FBXO28: variants seen among roughly 807,000 people sequenced by gnomAD.
The protein encoded by FBXO28 is F-box only protein 28.
Under a neutral mutation model 38.1 loss-of-function variants are expected in FBXO28, and 8 were observed. The observed-to-expected ratio is 0.21, with a 90% CI of 0.12 to 0.38. The LOEUF (loss-of-function observed/expected upper bound fraction) is 0.38. FBXO28 is among the 10% of genes least tolerant of loss of function. The pLI, the probability that FBXO28 is intolerant of heterozygous loss-of-function variation, is 1.00. For synonymous variants in FBXO28, 168 were observed against 173.8 expected (o/e 0.97, Z 0.26); for missense variants, 345 against 460.6 (o/e 0.75, Z 2.30).
In FBXO28 at chr1:224,161,728, A is replaced by G. The variant is rs1657911314; in HGVS notation, c.*3982A>G. On this transcript the variant is annotated 3_prime_UTR_variant, in exon 5 of 5. Coordinates refer to ENST00000366862, the MANE Select transcript of FBXO28 (RefSeq NM_015176.4). The stretch of plus-strand genomic sequence containing the variant: ...GCATCTTCCTAAGCATCTTGGTTAA[A>G]TTTCTGAAGTTTAAAAATTAGATCC... The G allele has an allele frequency of 6.6e-6, 1 of 152,226 alleles. No individual in the cohort carries two copies. Among genetic ancestry groups the G allele is most frequent in the Non-Finnish European group, 1.5e-5 (1 of 68,028 alleles). The allele number at this position is 152,226 out of a possible 1,614,324, so 9.4% of individuals were successfully genotyped here.
In FBXO28 at chr1:224,136,101, GT is replaced by G. The variant is rs397982996; in HGVS notation, c.516+1909del. On this transcript the variant is annotated intron_variant, in intron 3 of 4. Coordinates refer to ENST00000366862, the MANE Select transcript of FBXO28 (RefSeq NM_015176.4). ...TTTTGGAAACCATTTGTTGACTTCA[GT>G]TTTTTTTTTTTTTTTTTTTGAGATG... Among the ~76,000 whole-genome samples, 30 of 75,128 alleles carry G rather than the reference GT, an allele frequency of 4.0e-4. No individual in the cohort carries two copies. In the Admixed American group the frequency reaches 4.4e-3, roughly 11 times the overall value. 49.3% of individuals were successfully genotyped at this position (75,128 alleles called of 152,430 possible).
rs973258022 is a variant in FBXO28 at position 224,157,470 on chromosome 1, T to C, written c.831T>C (p.Val277=). Residue 277 remains valine (V), a synonymous_variant, in exon 5 of 5, where the codon GTT becomes GTC. Coordinates refer to ENST00000366862, the MANE Select transcript of FBXO28 (RefSeq NM_015176.4). ...QVKTNGAGVT[V]LRREISELRT... is the part of the protein sequence containing the mutation. Reference sequence around the variant, plus strand: ...AAACAAATGGTGCTGGCGTGACTGTTCTCAGGCGTGAAATTTCTGAGCTTC... The same window carrying C: ...AAACAAATGGTGCTGGCGTGACTGTCCTCAGGCGTGAAATTTCTGAGCTTC... The C allele has an allele frequency of 6.2e-7, 1 of 1,614,222 alleles. No homozygotes were observed. The highest frequency in any genetic ancestry group is 1.6e-4 in the Middle Eastern group (1 of 6,062).
intron 4 of FBXO28, 62 bp from the exon 5 acceptor site, chr1:224,157,290 G>GT: frequency 1.3e-6 from 2 of 1,510,842 alleles, no homozygotes; most frequent in Non-Finnish European, 1.8e-6. Context: ...TTAAATAAGT[G>GT]TAAGTATTAC....
rs1373094519 is a variant in FBXO28 at position 224,159,792 on chromosome 1, GTTTC to G, written c.*2050_*2053del. 6.6e-6 allele frequency: 1 copy of G among 151,944 alleles called. No individual in the cohort carries two copies. Among genetic ancestry groups the G allele is most frequent in the African/African-American group, 2.4e-5 (1 of 41,360 alleles). The allele number at this position is 151,944 out of a possible 1,614,324, so 9.4% of individuals were successfully genotyped here. On this transcript the variant is annotated 3_prime_UTR_variant, in exon 5 of 5. Coordinates refer to ENST00000366862, the MANE Select transcript of FBXO28 (RefSeq NM_015176.4). ...CATCAAAGGGATACAGCCCCAGACT[GTTTC>G]TTTAATGGTCATTCATGAACTATTA...
chr1:224,139,585 T>C (rs1206369729), intron 3 of FBXO28, among the ~76,000 whole-genome samples: 4 of 151,756 alleles, frequency 2.6e-5, no homozygotes, highest in Non-Finnish European at 5.9e-5. Flanking sequence ...CTACTAAAAA[T>C]ACAAAAATTA....
At chr1:224,117,998 TTA>T (rs1435072212) in intron 1 of FBXO28, among the ~76,000 whole-genome samples, 93 of 11,564 alleles carry the variant, frequency 8.0e-3, no homozygotes, top group South Asian at 0.015. Flanking sequence ...AATTAATTAA[TTA>T]ATTTATTTAT....
intron 1 of FBXO28, among the ~76,000 whole-genome samples, chr1:224,119,469 A>G (rs1315947271): frequency 2.0e-5 from 3 of 151,618 alleles, no homozygotes; most frequent in Non-Finnish European, 2.9e-5. Flanking sequence ...TTCTCCCACC[A>G]TCTCTTCAGG....
At chr1:224,141,411 C>T (rs1657345588) in intron 3 of FBXO28, among the ~76,000 whole-genome samples, 1 of 150,286 alleles carries the variant, frequency 6.7e-6, no homozygotes. Context: ...GCGGAGCTTG[C>T]AGTGAGCCAA....
intron 1 of FBXO28, among the ~76,000 whole-genome samples, chr1:224,116,675 CAACTTTG>C (rs1216694223): frequency 6.6e-6 from 1 of 152,156 alleles, no homozygotes; most frequent in Non-Finnish European, 1.5e-5. Context: ...ACCTCAGTTA[CAACTTTG>C]CTTAGCATCT....
At chr1:224,153,902 CAA>C (rs1657705959) in intron 4 of FBXO28, among the ~76,000 whole-genome samples, 1 of 145,484 alleles carries the variant, frequency 6.9e-6, no homozygotes, top group Admixed American at 7.0e-5. Flanking sequence ...GCCTGAGCAA[CAA>C]GAGCGAAACT....
At position 224,161,965 on chromosome 1, in the gene FBXO28, T is replaced by C. The variant is rs1657917395; in HGVS notation, c.*4219T>C. ...GTTTACCTTCTGGAATTTTAATTGT[T>C]ATAACCGAATCAATTATTGGAAAGT... On this transcript the variant is annotated 3_prime_UTR_variant, in exon 5 of 5. Transcript: ENST00000366862. The C allele has an allele frequency of 6.6e-6, 1 of 152,236 alleles. No individual in the cohort carries two copies. Among genetic ancestry groups the C allele is most frequent in the Non-Finnish European group, 1.5e-5 (1 of 68,040 alleles). 9.4% of individuals were successfully genotyped at this position (152,236 alleles called of 1,614,324 possible).
intron 1 of FBXO28, among the ~76,000 whole-genome samples, chr1:224,119,321 TA>T (rs1373624114): frequency 6.6e-6 from 1 of 151,382 alleles, no homozygotes; most frequent in Non-Finnish European, 1.5e-5. Context: ...TTATTTTTAG[TA>T]GAGACGGGGT....
At chr1:224,134,004 A>G in intron 2 of FBXO28, 70 bp from the exon 3 acceptor site, 2 of 1,155,682 alleles carry the variant, frequency 1.7e-6, no homozygotes, top group Non-Finnish European at 2.3e-6. Context: ...AGCCATCTTG[A>G]TTGCTTAATA....
intron 3 of FBXO28, among the ~76,000 whole-genome samples, chr1:224,140,360 A>G (rs1657314428): frequency 6.6e-6 from 1 of 152,218 alleles, no homozygotes; most frequent in African/African-American, 2.4e-5. Flanking sequence ...ATCGAGAACC[A>G]TGCATGGACT....
chr1:224,148,386 C>T (rs1226730204), intron 3 of FBXO28, among the ~76,000 whole-genome samples: 2 of 152,144 alleles, frequency 1.3e-5, no homozygotes, highest in African/African-American at 4.8e-5. Context: ...CACGGTGGCT[C>T]ACGCCTGCAA....
At chr1:224,143,888 G>A (rs1572020500) in intron 3 of FBXO28, among the ~76,000 whole-genome samples, 3 of 145,944 alleles carry the variant, frequency 2.1e-5, no homozygotes, top group East Asian at 2.2e-4. Context: ...GGCTCACACC[G>A]TAATCCCAGC....
intron 3 of FBXO28, among the ~76,000 whole-genome samples, chr1:224,147,695 G>T (rs937277980): frequency 1.3e-5 from 2 of 151,888 alleles, no homozygotes; most frequent in Admixed American, 1.3e-4. Flanking sequence ...CCTGGGTAAG[G>T]TTCAACATGT....
At chr1:224,133,490 A>G (rs1164219499) in intron 2 of FBXO28, among the ~76,000 whole-genome samples, 1 of 152,052 alleles carries the variant, frequency 6.6e-6, no homozygotes, top group African/African-American at 2.4e-5. Context: ...TCTAATAGCC[A>G]CTAGATTTGA....
chr1:224,131,672 A>C (rs1657051654), intron 2 of FBXO28, among the ~76,000 whole-genome samples: 1 of 152,190 alleles, frequency 6.6e-6, no homozygotes, highest in African/African-American at 2.4e-5. Context: ...GTTAACTCAA[A>C]AGGGATCATA....
Sources: allele counts gnomAD v4.1 joint callset (sites outside exome capture counted in the v4.1 genomes callset), GRCh38; gene constraint gnomAD v4.1.1; transcripts MANE v1.5; gene names NCBI Gene and HGNC (gene_info 2026-07-23, HGNC 2026-07-21).